The following SAMTOR variants were observed in gnomAD, a reference collection of about 807,000 sequenced individuals.
SAMTOR encodes UPF0532 protein C7orf60.
At chr7:112,924,068 A>T in the SAMTOR span, among the ~76,000 whole-genome samples, 2 of 151,688 alleles carry the variant, frequency 1.3e-5, no homozygotes, top group Non-Finnish European at 2.9e-5. Context: ...GGGGAGGGAT[A>T]GCATTAGGAG....
the SAMTOR span, among the ~76,000 whole-genome samples, chr7:112,902,274 G>A: frequency 6.6e-6 from 1 of 151,856 alleles, no homozygotes; most frequent in South Asian, 2.1e-4. Context: ...GGTGGCGCAT[G>A]CCTGTAATCC....
At chr7:112,822,507 T>A in the SAMTOR span, 3 of 812,004 alleles carry the variant, frequency 3.7e-6, no homozygotes, top group Non-Finnish European at 5.6e-6. Context: ...TTTAAATTAT[T>A]AAACTTGAAC....
chr7:112,939,816 G>A, the SAMTOR span: 4 of 1,308,938 alleles, frequency 3.1e-6, no homozygotes, highest in South Asian at 1.3e-5. Context: ...TGGAGGAGGT[G>A]GGGTAGGAGG....
chr7:112,874,520 T>TA, the SAMTOR span, among the ~76,000 whole-genome samples: 2 of 152,062 alleles, frequency 1.3e-5, no homozygotes, highest in Admixed American at 1.3e-4. Flanking sequence ...GGGTAAGGGA[T>TA]AAAAAACTTC....
the SAMTOR span, among the ~76,000 whole-genome samples, chr7:112,919,323 C>G: frequency 1.9e-3 from 283 of 152,274 alleles, 1 homozygote; most frequent in Middle Eastern, 3.4e-3. Context: ...TACATGGAAA[C>G]TGAACAACCT....
the SAMTOR span, among the ~76,000 whole-genome samples, chr7:112,874,955 T>C: frequency 0.011 from 1,623 of 152,232 alleles, 30 homozygotes; most frequent in African/African-American, 0.037. Context: ...CCAGATCAAC[T>C]AAGCATGCAA....
At chr7:112,926,837 G>A in the SAMTOR span, among the ~76,000 whole-genome samples, 1 of 151,968 alleles carries the variant, frequency 6.6e-6, no homozygotes, top group South Asian at 2.1e-4. Context: ...CCTATGCAAG[G>A]CATCCTGGAC....
chr7:112,857,211 C>T, the SAMTOR span, among the ~76,000 whole-genome samples: 77 of 146,720 alleles, frequency 5.2e-4, no homozygotes, highest in Middle Eastern at 3.2e-3. Context: ...CCTGCCTCAG[C>T]CTCCCGAGTA....
the SAMTOR span, among the ~76,000 whole-genome samples, chr7:112,919,827 G>A: frequency 1.8e-4 from 27 of 152,248 alleles, no homozygotes; most frequent in African/African-American, 4.3e-4. Context: ...ACACCTCTAC[G>A]CAAATAAACT....
At chr7:112,832,169 G>T in the SAMTOR span, among the ~76,000 whole-genome samples, 1 of 151,818 alleles carries the variant, frequency 6.6e-6, no homozygotes, top group Non-Finnish European at 1.5e-5. Flanking sequence ...TTGCCACCAC[G>T]CCCAGCTACA....
At chr7:112,836,493 T>C in the SAMTOR span, among the ~76,000 whole-genome samples, 1 of 152,130 alleles carries the variant, frequency 6.6e-6, no homozygotes, top group Non-Finnish European at 1.5e-5. Context: ...TAGGTCCCAC[T>C]TGTCAATGTT....
chr7:112,874,377 T>C, the SAMTOR span, among the ~76,000 whole-genome samples: 16 of 152,230 alleles, frequency 1.1e-4, no homozygotes, highest in African/African-American at 3.6e-4. Context: ...AAGAAAATCA[T>C]GTCCTCTGCA....
chr7:112,850,416 G>T, the SAMTOR span, among the ~76,000 whole-genome samples: 1 of 152,156 alleles, frequency 6.6e-6, no homozygotes, highest in Non-Finnish European at 1.5e-5. Flanking sequence ...TGGCTTCACA[G>T]AAATTAGTTA....
chr7:112,908,073 A>C, the SAMTOR span, among the ~76,000 whole-genome samples: 1 of 152,306 alleles, frequency 6.6e-6, no homozygotes, highest in East Asian at 1.9e-4. Context: ...AAAGCTTGTA[A>C]ACAAGTCATG....
the SAMTOR span, among the ~76,000 whole-genome samples, chr7:112,919,395 A>T: frequency 6.6e-6 from 1 of 152,200 alleles, no homozygotes; most frequent in Non-Finnish European, 1.5e-5. Flanking sequence ...GTTCTTTGAA[A>T]CCAACGAGAA....
chr7:112,821,927 G>T, the SAMTOR span: 2 of 1,612,844 alleles, frequency 1.2e-6, no homozygotes, highest in Non-Finnish European at 1.7e-6. Context: ...CTTCTATACT[G>T]TTGAAATCTT....
chr7:112,888,063 A>G, the SAMTOR span, among the ~76,000 whole-genome samples: 2,024 of 152,282 alleles, frequency 0.013, 18 homozygotes, highest in Non-Finnish European at 0.021. Context: ...CGTGCATTCA[A>G]TGCTACATAT....
chr7:112,915,611 C>A, the SAMTOR span, among the ~76,000 whole-genome samples: 1 of 152,006 alleles, frequency 6.6e-6, no homozygotes, highest in South Asian at 2.1e-4. Context: ...AATGTTTACA[C>A]ATTTAAATAA....
the SAMTOR span, among the ~76,000 whole-genome samples, chr7:112,826,079 A>T: frequency 6.6e-6 from 1 of 152,080 alleles, no homozygotes; most frequent in Non-Finnish European, 1.5e-5. Context: ...AATTTGCTGA[A>T]ATTTTGTATA....
Sources: gnomAD v4.1 joint callset for allele counts (sites outside exome capture counted in the v4.1 genomes callset) on GRCh38, gnomAD v4.1.1 for gene constraint, MANE v1.5 for transcripts, NCBI Gene and HGNC (gene_info 2026-07-23, HGNC 2026-07-21) for gene names.